The following PGAP4 variants were observed in gnomAD, a reference collection of about 807,000 sequenced individuals.
The protein encoded by PGAP4 is post-GPI attachment to proteins GalNAc transferase 4.
PGAP4 carries 12 observed loss-of-function variants against 28.2 expected under a neutral mutation model. The ratio of observed to expected loss-of-function variants is 0.42; its 90% CI spans 0.27 to 0.69. The LOEUF is 0.69. Ranked by LOEUF, PGAP4 falls within the 30% of genes least tolerant of loss-of-function variation. PGAP4 has a pLI of 0.22. For missense variants in PGAP4, 425 were observed against 513.5 expected (o/e 0.83, Z 1.67); for synonymous variants, 205 against 211.8 (o/e 0.97, Z 0.28).
intron 2 of PGAP4, among the ~76,000 whole-genome samples, chr9:101,503,177 C>G (rs571734659): frequency 2.8e-4 from 42 of 151,974 alleles, no homozygotes; most frequent in Admixed American, 7.9e-4. Context: ...GGAATGCAGA[C>G]ATGAAGCTTG....
At chr9:101,523,482 G>C (rs1827005594) in intron 2 of PGAP4, among the ~76,000 whole-genome samples, 1 of 149,966 alleles carries the variant, frequency 6.7e-6, no homozygotes, top group African/African-American at 2.4e-5. Flanking sequence ...TCTTCTACTT[G>C]GTTCAATTCT....
chr9:101,495,503 G>T (rs1325577016), intron 2 of PGAP4, among the ~76,000 whole-genome samples: 2 of 128,224 alleles, frequency 1.6e-5, no homozygotes, highest in African/African-American at 2.9e-5. Flanking sequence ...TGGCTCAACT[G>T]GAAAATTTTA....
intron 1 of PGAP4, among the ~76,000 whole-genome samples, chr9:101,481,802 C>A (rs1477694649): frequency 1.3e-5 from 2 of 152,194 alleles, no homozygotes; most frequent in Admixed American, 6.5e-5. Flanking sequence ...ATGAATGGCA[C>A]GACCACTTTC....
At chr9:101,513,360 C>G (rs1356574630) in intron 2 of PGAP4, among the ~76,000 whole-genome samples, 1 of 152,136 alleles carries the variant, frequency 6.6e-6, no homozygotes, top group African/African-American at 2.4e-5. Context: ...AAAGCAGGCA[C>G]CATTTTGGGT....
chr9:101,491,289 C>T (rs997026312), upstream of PGAP4, among the ~76,000 whole-genome samples: 5 of 152,040 alleles, frequency 3.3e-5, no homozygotes, highest in East Asian at 1.9e-4. Flanking sequence ...TATTCCCCCC[C>T]GATAATAGAT....
chr9:101,498,061 T>C (rs911066061), intron 2 of PGAP4, among the ~76,000 whole-genome samples: 2 of 151,838 alleles, frequency 1.3e-5, no homozygotes, highest in Non-Finnish European at 2.9e-5. Context: ...GGTAAGACTG[T>C]GGACCAAAAT....
At chr9:101,522,058 C>T (rs377323973) in intron 2 of PGAP4, among the ~76,000 whole-genome samples, 122 of 152,170 alleles carry the variant, frequency 8.0e-4, no homozygotes, top group African/African-American at 2.8e-3. Context: ...CAGTTTTATT[C>T]CACTGTGGTC....
At chr9:101,524,168 A>G (rs1156397297) in intron 2 of PGAP4, among the ~76,000 whole-genome samples, 2 of 150,818 alleles carry the variant, frequency 1.3e-5, no homozygotes, top group Non-Finnish European at 3.0e-5. Context: ...GGACTCCGTG[A>G]GGGTCCTTAG....
At chr9:101,499,700 G>A (rs547078491) in intron 2 of PGAP4, among the ~76,000 whole-genome samples, 2 of 152,096 alleles carry the variant, frequency 1.3e-5, no homozygotes, top group Admixed American at 1.3e-4. Flanking sequence ...AGTCTTTTGT[G>A]TTATCAGGCA....
In PGAP4 at chr9:101,486,487, G is replaced by T. The variant is rs948845090; in HGVS notation, c.-78+462C>A. 1.3e-5 allele frequency among the ~76,000 whole-genome samples: 2 copies of T among 152,190 alleles called. No individual in the cohort carries two copies. Among genetic ancestry groups the T allele is most frequent in the African/African-American group, 4.8e-5 (2 of 41,462 alleles). ...CGAACCTAAGGTGTGGACGCGCCGC[G>T]AGGGTCCCCTGCTTGCGGGCGGCCA... is the stretch of plus-strand genomic sequence containing the variant. On this transcript the variant is annotated intron_variant, in intron 1 of 1. Coordinates refer to ENST00000374848, the MANE Select transcript of PGAP4 (RefSeq NM_032342.3). This position sits in a 1 kb window ranked among gnomAD's most constrained non-coding sequence, Gnocchi z 4.7.
At chr9:101,490,325 G>T (rs1039703956), upstream of PGAP4, among the ~76,000 whole-genome samples, 1 of 152,114 alleles carries the variant, frequency 6.6e-6, no homozygotes, top group African/African-American at 2.4e-5. Context: ...GAGTAGCTGG[G>T]ATTACAGGCA....
At chr9:101,519,328 T>G (rs1826967645) in intron 2 of PGAP4, among the ~76,000 whole-genome samples, 1 of 152,172 alleles carries the variant, frequency 6.6e-6, no homozygotes, top group African/African-American at 2.4e-5. Flanking sequence ...CAGCTAATTT[T>G]TTTGTATGTT....
chr9:101,504,699 G>C (rs377034482), intron 2 of PGAP4, among the ~76,000 whole-genome samples: 5 of 152,086 alleles, frequency 3.3e-5, no homozygotes, highest in African/African-American at 1.2e-4. Context: ...AGGTAACTGA[G>C]AGCAATTGCA....
At chr9:101,507,101 C>T (rs1434851777) in intron 2 of PGAP4, among the ~76,000 whole-genome samples, 1 of 151,970 alleles carries the variant, frequency 6.6e-6, no homozygotes, top group Admixed American at 6.6e-5. Context: ...AATAATATAC[C>T]TGGATAATCA....
chr9:101,521,758 G>T (rs550030843), intron 2 of PGAP4, among the ~76,000 whole-genome samples: 1 of 152,046 alleles, frequency 6.6e-6, no homozygotes, highest in Non-Finnish European at 1.5e-5. Context: ...TGCTGGGTTT[G>T]GGTTTGGTTT....
At chr9:101,477,924 G>GC (rs1230369060) in intron 1 of PGAP4, among the ~76,000 whole-genome samples, 2 of 152,050 alleles carry the variant, frequency 1.3e-5, no homozygotes, top group South Asian at 4.2e-4. Context: ...AGGGAGCGGG[G>GC]GGGGAAAGGC....
intron 2 of PGAP4, among the ~76,000 whole-genome samples, chr9:101,506,228 TAGTC>T (rs551054669): frequency 3.4e-3 from 522 of 152,162 alleles, no homozygotes; most frequent in Non-Finnish European, 5.8e-3. Flanking sequence ...TGCATTTAAA[TAGTC>T]AGGAGGATAC....
chr9:101,529,638 A>T lies in PGAP4; in HGVS notation c.-165+1710T>A, dbSNP rs187600648. 6.0e-4 allele frequency among the ~76,000 whole-genome samples: 91 copies of T among 152,288 alleles called. 1 individual carries two copies. The highest frequency in any genetic ancestry group is 2.1e-3 in the African/African-American group (89 of 41,560). ...CCCTGGTCCCCAGAAATTACAAAGT[A>T]AGAGGGCTGAGTATGATGTAGTATA... is the stretch of plus-strand genomic sequence containing the variant. On this transcript the variant is annotated intron_variant, in intron 2 of 3. Coordinates refer to the PGAP4 transcript ENST00000374851.
At chr9:101,504,101 C>T (rs1251251698) in intron 2 of PGAP4, among the ~76,000 whole-genome samples, 1 of 151,698 alleles carries the variant, frequency 6.6e-6, no homozygotes, top group Non-Finnish European at 1.5e-5. Flanking sequence ...TCAACCTGAG[C>T]CAGCATGATA....
Sources: gnomAD v4.1 joint callset for allele counts (sites outside exome capture counted in the v4.1 genomes callset) on GRCh38, gnomAD v4.1.1 for gene constraint, Gnocchi (gnomAD v3.1) non-coding constraint, MANE v1.5 for transcripts, NCBI Gene and HGNC (gene_info 2026-07-23, HGNC 2026-07-21) for gene names.